FAM217B: variants seen among roughly 807,000 people sequenced by gnomAD.
FAM217B encodes protein FAM217B.
For missense variants in FAM217B, 463 were observed against 456.9 expected, an observed-to-expected ratio of 1.01 and a Z score of -0.12; for synonymous variants, 163 against 173.0, an observed-to-expected ratio of 0.94 and a Z score of 0.45.
At chr20:59,939,747 G>A (rs1940334011), upstream of FAM217B, 8 of 1,232,690 alleles carry the variant, frequency 6.5e-6, no homozygotes, top group Admixed American at 3.0e-4. Context: ...CCGCAGGCGG[G>A]GGTCGCAGCC....
rs1472565575 is a variant in FAM217B at position 59,944,292 on chromosome 20, C to A, written c.349C>A (p.Leu117Ile). 1 of 1,614,146 alleles carries A rather than the reference C, an allele frequency of 6.2e-7. No homozygotes were observed. Among genetic ancestry groups the A allele is most frequent in the Non-Finnish European group, 8.5e-7 (1 of 1,180,028 alleles). The change falls in exon 4 of 4, where the codon CTT (leucine) becomes ATT (isoleucine). Residue 117 changes from leucine (L) to isoleucine (I), a missense_variant. Physicochemically the swap from Leu to Ile is conservative, Grantham distance 5. Transcript: ENST00000360816. ...TCCCCTCACACCTCCAGATCTCAAT[C>A]TTCGAGCTGAAGAAATTGATCCAGT... ...PSPLTPPDLNLRAEEIDPVYF... is the reference protein window; with the variant it reads ...PSPLTPPDLNIRAEEIDPVYF...
At position 59,948,065 on chromosome 20, in the gene FAM217B, AAG is replaced by A. The variant is rs1340364475; in HGVS notation, c.*2972_*2973del. On this transcript the variant is annotated 3_prime_UTR_variant, in exon 4 of 4. Coordinates refer to ENST00000360816, the MANE Select transcript of FAM217B (RefSeq NM_022106.3). ...AAAAAAAAAGAAAAAGAAAAAGAAA[AAG>A]AAAAATATTTTAGGCTTAGAATTAT... 3 of 164,658 alleles carry A rather than the reference AAG, an allele frequency of 1.8e-5. No homozygotes were observed. In the Admixed American group the frequency reaches 2.0e-4, roughly 11 times the overall value. The allele number at this position is 164,658 out of a possible 1,614,324, so 10.2% of individuals were successfully genotyped here. A position where few individuals can be genotyped will look rare whatever the true frequency, so the allele number is the denominator to read the frequency against.
chr20:59,934,734 A>C lies in FAM217B; in HGVS notation c.-326+881A>C, dbSNP rs537043209. Among the ~76,000 whole-genome samples the C allele has an allele frequency of 3.9e-5, 6 of 152,298 alleles. No homozygotes were observed. In the South Asian group the frequency reaches 1.2e-3, roughly 32 times the overall value. On this transcript the variant is annotated intron_variant, in intron 1 of 4. Coordinates refer to the FAM217B transcript ENST00000358293. ...AAAATTATATTTTAATAACATTTTA[A>C]TTTCTTATCTAAAAGGCACTAATTG...
intron 1 of FAM217B, among the ~76,000 whole-genome samples, chr20:59,934,690 T>A (rs2060846471): frequency 6.6e-6 from 1 of 152,178 alleles, no homozygotes; most frequent in Non-Finnish European, 1.5e-5. Context: ...CTTTTATAGG[T>A]ATCTTCAAAT....
chr20:59,941,875 A>G (rs1046789904), intron 1 of FAM217B, among the ~76,000 whole-genome samples: 1 of 152,166 alleles, frequency 6.6e-6, no homozygotes, highest in Non-Finnish European at 1.5e-5. Flanking sequence ...TCTTCAACAT[A>G]TTATTTCCAA....
rs939957999 is a variant in FAM217B at position 59,945,862 on chromosome 20, G to A, written c.*767G>A. 6.0e-6 allele frequency: 1 copy of A among 166,970 alleles called. No individual in the cohort carries two copies. The highest frequency in any genetic ancestry group is 1.5e-5 in the Non-Finnish European group (1 of 68,112). 10.3% of individuals were successfully genotyped at this position (166,970 alleles called of 1,614,324 possible). A position where few individuals can be genotyped will look rare whatever the true frequency, so the allele number is the denominator to read the frequency against. ...AGTCAATGGGCTTAGCATGATTACT[G>A]CTGTTTGGTGGGGCTGAGAATGAAA... On this transcript the variant is annotated 3_prime_UTR_variant, in exon 4 of 4. Coordinates refer to ENST00000360816, the MANE Select transcript of FAM217B (RefSeq NM_022106.3).
upstream of FAM217B, chr20:59,939,715 G>A (rs2060887437): frequency 7.6e-7 from 1 of 1,318,524 alleles, no homozygotes; most frequent in Non-Finnish European, 9.6e-7. Context: ...GGCAGTGAGC[G>A]CGCCCGCCGC....
At chr20:59,940,317 G>C (rs756542188), upstream of FAM217B, 2 of 168,334 alleles carry the variant, frequency 1.2e-5, no homozygotes, top group Non-Finnish European at 2.8e-5. Context: ...CAACTTGACC[G>C]GGTGCAACTT....
chr20:59,943,702 A>G (rs4812141), intron 3 of FAM217B, among the ~76,000 whole-genome samples: 2 of 152,164 alleles, frequency 1.3e-5, no homozygotes, highest in African/African-American at 4.8e-5. Context: ...TAAAATGGAA[A>G]CTGTGCATTC....
upstream of FAM217B, chr20:59,939,455 G>A (rs780267621): frequency 3.1e-6 from 5 of 1,611,754 alleles, no homozygotes; most frequent in African/African-American, 1.3e-5. Flanking sequence ...CGGGCGGCGG[G>A]AAATCGGGCA....
intron 1 of FAM217B, among the ~76,000 whole-genome samples, chr20:59,934,187 C>T (rs1028728852): frequency 1.3e-5 from 2 of 152,144 alleles, no homozygotes; most frequent in African/African-American, 4.8e-5. Context: ...GGCGCAGGGC[C>T]GCCTGGGCTC....
rs1287507464 is a variant in FAM217B, at chr20:59,947,542, C to T, written c.*2447C>T. ...AAAAGAAAGAAATTGAGAAGTAACG[C>T]CTCATAATATTTGTTCCCAGCTTTT... is the stretch of plus-strand genomic sequence containing the variant. On this transcript the variant is annotated 3_prime_UTR_variant, in exon 4 of 4. Coordinates refer to ENST00000360816, the MANE Select transcript of FAM217B (RefSeq NM_022106.3). The T allele has an allele frequency of 6.0e-6, 1 of 166,944 alleles. No homozygotes were observed. The highest frequency in any genetic ancestry group is 2.4e-5 in the African/African-American group (1 of 41,414). 10.3% of individuals were successfully genotyped at this position (166,944 alleles called of 1,614,324 possible). A position where few individuals can be genotyped will look rare whatever the true frequency, so the allele number is the denominator to read the frequency against.
At position 59,942,903 on chromosome 20, in the gene FAM217B, A is replaced by G. The variant is rs191946575; in HGVS notation, c.-5+391A>G. Among the ~76,000 whole-genome samples the G allele has an allele frequency of 3.9e-5, 6 of 152,324 alleles. 1 individual carries two copies. In the East Asian group the frequency reaches 1.2e-3, roughly 29 times the overall value. ...TCATTTCTTCATTTATTCAACATTTATTGAGCACACGTTGTACTATTGGCA... is the reference window on the plus strand; with the variant it reads ...TCATTTCTTCATTTATTCAACATTTGTTGAGCACACGTTGTACTATTGGCA... On this transcript the variant is annotated intron_variant, in intron 3 of 3. Coordinates refer to ENST00000360816, the MANE Select transcript of FAM217B (RefSeq NM_022106.3).
At position 59,948,505 on chromosome 20, in the gene FAM217B, A is replaced by G. The variant is rs1019773024; in HGVS notation, c.*3410A>G. ...AATTCAGAAGCAGTATGTATTATTT[A>G]TGTACATGTACAGGACACCATTCAA... On this transcript the variant is annotated 3_prime_UTR_variant, in exon 4 of 4. Coordinates refer to ENST00000360816, the MANE Select transcript of FAM217B (RefSeq NM_022106.3). 6.0e-6 allele frequency: 1 copy of G among 167,030 alleles called. No individual in the cohort carries two copies. The highest frequency in any genetic ancestry group is 1.9e-4 in the East Asian group (1 of 5,194). 10.3% of individuals were successfully genotyped at this position (167,030 alleles called of 1,614,324 possible).
upstream of FAM217B, chr20:59,939,197 G>T (rs1302675610): frequency 1.9e-6 from 3 of 1,609,058 alleles, no homozygotes; most frequent in Non-Finnish European, 2.5e-6. Flanking sequence ...GCTCCAGCAG[G>T]AAGGGCGGTA....
At chr20:59,936,203 A>C (rs1233340219), upstream of FAM217B, among the ~76,000 whole-genome samples, 3 of 152,192 alleles carry the variant, frequency 2.0e-5, no homozygotes, top group African/African-American at 7.2e-5. Flanking sequence ...TACGGAAAAA[A>C]ATCTGGTATA....
upstream of FAM217B, chr20:59,937,753 T>C (rs190393871): frequency 2.0e-5 from 3 of 152,660 alleles, no homozygotes; most frequent in East Asian, 3.9e-4. Context: ...CTGGAGTTCT[T>C]TGGAGTTTTA....
chr20:59,945,215 G>C lies in FAM217B; in HGVS notation c.*120G>C, dbSNP rs187606197. 9 of 879,844 alleles carry C rather than the reference G, an allele frequency of 1.0e-5. No individual in the cohort carries two copies. In the African/African-American group the frequency reaches 1.4e-4, roughly 13 times the overall value. The allele number at this position is 879,844 out of a possible 1,614,324, so 54.5% of individuals were successfully genotyped here. On this transcript the variant is annotated 3_prime_UTR_variant, in exon 4 of 4. Transcript: ENST00000360816. ...AATACTGACATTTAAGTAGTTGACT[G>C]GCATTTTTGTCCACCTTTATTTCTA...
chr20:59,942,859 C>T (rs899826751), intron 3 of FAM217B, among the ~76,000 whole-genome samples: 7 of 152,092 alleles, frequency 4.6e-5, no homozygotes, highest in African/African-American at 1.7e-4. Flanking sequence ...GTTATGAATT[C>T]TGAATAATGG....
Sources: allele counts gnomAD v4.1 joint callset (sites outside exome capture counted in the v4.1 genomes callset), GRCh38; gene constraint gnomAD v4.1.1; transcripts MANE v1.5; gene names NCBI Gene and HGNC (gene_info 2026-07-23, HGNC 2026-07-21).